ZMAT4: variants seen among roughly 807,000 people sequenced by gnomAD.
The protein encoded by ZMAT4 is zinc finger matrin-type 4, also known as zinc finger matrin-type protein 4.
A neutral mutation model predicts 28.7 loss-of-function variants in ZMAT4; 17 were observed. That is an observed-to-expected ratio of 0.59 (90% CI 0.41 to 0.89). The LOEUF (loss-of-function observed/expected upper bound fraction) is 0.89. Ranked by LOEUF, ZMAT4 falls within the 40% of genes least tolerant of loss-of-function variation. The pLI is 0.00. For missense variants in ZMAT4, 240 were observed against 283.8 expected, an observed-to-expected ratio of 0.85 and a Z score of 1.11; for synonymous variants, 117 against 109.2, an observed-to-expected ratio of 1.07 and a Z score of -0.44.
intron 4 of ZMAT4, among the ~76,000 whole-genome samples, chr8:40,687,316 A>T (rs1727332163): frequency 6.6e-6 from 1 of 152,068 alleles, no homozygotes; most frequent in South Asian, 2.1e-4. Flanking sequence ...CACAGAAGAG[A>T]GGGAGCTTAA....
At chr8:40,725,225 A>C (rs1811271218) in intron 3 of ZMAT4, among the ~76,000 whole-genome samples, 1 of 152,116 alleles carries the variant, frequency 6.6e-6, no homozygotes. Context: ...AGGTTTTTCA[A>C]TTAATTGTAA....
intron 1 of ZMAT4, 52 bp from the exon 2 acceptor site, chr8:40,825,732 T>G: frequency 7.1e-7 from 1 of 1,412,222 alleles, no homozygotes; most frequent in Non-Finnish European, 9.7e-7. Context: ...TTGATGTTTA[T>G]GCAAGATATT....
At chr8:40,574,856 C>T (rs918507805) in intron 6 of ZMAT4, among the ~76,000 whole-genome samples, 2 of 152,162 alleles carry the variant, frequency 1.3e-5, no homozygotes, top group Non-Finnish European at 2.9e-5. Flanking sequence ...AAGTCCTGAG[C>T]CCAGTTTGAG....
At chr8:40,756,852 T>A (rs767258277) in intron 3 of ZMAT4, among the ~76,000 whole-genome samples, 1 of 152,164 alleles carries the variant, frequency 6.6e-6, no homozygotes, top group Non-Finnish European at 1.5e-5. Context: ...GACACATTAT[T>A]TGATATACAT....
At position 40,590,285 on chromosome 8, in the gene ZMAT4, G is replaced by A. The variant is rs1347775836; in HGVS notation, c.578-9024C>T. ...GGGCTCAAGCAATCCTTCCACCTTAGCCTCCCAAAGTGCTGGGATTACAGA... is the reference window on the plus strand; with the variant it reads ...GGGCTCAAGCAATCCTTCCACCTTAACCTCCCAAAGTGCTGGGATTACAGA... On this transcript the variant is annotated intron_variant, in intron 5 of 6. Coordinates refer to ENST00000297737, the MANE Select transcript of ZMAT4 (RefSeq NM_024645.3). 2.0e-5 allele frequency among the ~76,000 whole-genome samples: 3 copies of A among 151,446 alleles called. No homozygotes were observed. The South Asian group carries it at 6.3e-4, about 32-fold the overall frequency.
intron 6 of ZMAT4, among the ~76,000 whole-genome samples, chr8:40,547,682 T>A (rs1329792351): frequency 6.6e-6 from 1 of 152,182 alleles, no homozygotes; most frequent in Non-Finnish European, 1.5e-5. Flanking sequence ...GCAGGTTTGT[T>A]ACCTTACACA....
At chr8:40,645,689 A>T (rs1259740497) in intron 5 of ZMAT4, among the ~76,000 whole-genome samples, 1 of 152,158 alleles carries the variant, frequency 6.6e-6, no homozygotes, top group African/African-American at 2.4e-5. Flanking sequence ...AACATCTCCA[A>T]CACTGGCTGA....
At chr8:40,640,685 G>C (rs897863544) in intron 5 of ZMAT4, among the ~76,000 whole-genome samples, 5 of 152,058 alleles carry the variant, frequency 3.3e-5, no homozygotes, top group Admixed American at 6.5e-5. Flanking sequence ...TAGAGGCCAG[G>C]CATGGTGGCT....
At chr8:40,659,611 A>T (rs149360029) in intron 5 of ZMAT4, among the ~76,000 whole-genome samples, 63 of 152,250 alleles carry the variant, frequency 4.1e-4, no homozygotes, top group African/African-American at 1.4e-3. Flanking sequence ...TATTTCACGT[A>T]TTCTGGAGGT....
chr8:40,775,706 T>C (rs1420825839), intron 2 of ZMAT4, among the ~76,000 whole-genome samples: 2 of 152,086 alleles, frequency 1.3e-5, no homozygotes, highest in Admixed American at 1.3e-4. Context: ...TGGCTGAAGG[T>C]GCCATGCCTT....
chr8:40,689,435 C>T (rs1419859769), intron 4 of ZMAT4, among the ~76,000 whole-genome samples: 2 of 152,242 alleles, frequency 1.3e-5, no homozygotes, highest in African/African-American at 4.8e-5. Context: ...GTTAATCGCA[C>T]TCAAATGCCA....
chr8:40,776,346 G>A (rs551784772), intron 2 of ZMAT4, among the ~76,000 whole-genome samples: 21 of 152,308 alleles, frequency 1.4e-4, no homozygotes, highest in African/African-American at 4.8e-4. Context: ...AATCATGTAC[G>A]GTGGGATGTG....
intron 5 of ZMAT4, among the ~76,000 whole-genome samples, chr8:40,607,624 A>G (rs1805643406): frequency 6.6e-6 from 1 of 152,040 alleles, no homozygotes; most frequent in South Asian, 2.1e-4. Flanking sequence ...TATTACCAGA[A>G]TTGTTTTTCT....
intron 5 of ZMAT4, among the ~76,000 whole-genome samples, chr8:40,621,415 C>T (rs988146989): frequency 1.3e-5 from 2 of 152,154 alleles, no homozygotes; most frequent in Admixed American, 1.3e-4. Context: ...ACAGTTCCAT[C>T]AGCTGGTGCT....
chr8:40,701,395 C>T (rs1234631213), intron 3 of ZMAT4, among the ~76,000 whole-genome samples: 3 of 151,756 alleles, frequency 2.0e-5, no homozygotes, highest in Non-Finnish European at 2.9e-5. Flanking sequence ...GCCAACAGTA[C>T]ACACTTAGTG....
chr8:40,689,102 G>A (rs1233733554), intron 4 of ZMAT4, among the ~76,000 whole-genome samples: 1 of 152,252 alleles, frequency 6.6e-6, no homozygotes, highest in Non-Finnish European at 1.5e-5. Flanking sequence ...CCTCCCATGG[G>A]TCCTTGGTCT....
intron 5 of ZMAT4, among the ~76,000 whole-genome samples, chr8:40,612,816 T>TG (rs1805847386): frequency 1.1e-5 from 1 of 93,226 alleles, no homozygotes; most frequent in African/African-American, 3.0e-5. Flanking sequence ...TTTTTGTTTT[T>TG]TTTTTTTTTT....
chr8:40,681,733 T>A (rs141134383), intron 4 of ZMAT4, among the ~76,000 whole-genome samples: 88 of 152,344 alleles, frequency 5.8e-4, no homozygotes, highest in Non-Finnish European at 1.1e-3. Flanking sequence ...GGAATTTTCA[T>A]GTTTTGATAA....
chr8:40,701,903 C>T (rs553087436), intron 3 of ZMAT4, among the ~76,000 whole-genome samples: 4 of 152,080 alleles, frequency 2.6e-5, no homozygotes, highest in African/African-American at 4.8e-5. Context: ...ATATCATCTG[C>T]TATGGTTTGA....
Sources: allele counts gnomAD v4.1 joint callset (sites outside exome capture counted in the v4.1 genomes callset), GRCh38; gene constraint gnomAD v4.1.1; transcripts MANE v1.5; gene names NCBI Gene and HGNC (gene_info 2026-07-23, HGNC 2026-07-21).